CSMD1: variants seen among roughly 807,000 people sequenced by gnomAD.
The protein encoded by CSMD1 is CUB and Sushi multiple domains 1.
CSMD1 carries 213 observed loss-of-function variants against 417.5 expected under a neutral mutation model. The ratio of observed to expected loss-of-function variants is 0.51; its 90% CI spans 0.46 to 0.57. The LOEUF (loss-of-function observed/expected upper bound fraction) is 0.57. Among genes scored for constraint, CSMD1 ranks in the 20% least tolerant of loss-of-function variants. The probability of loss-of-function intolerance (pLI) is 0.00; values close to 1 mark genes in which losing one functional copy is unlikely to be tolerated. For missense variants in CSMD1, 6,923 were observed against 4,529.7 expected (o/e 1.53, Z -15.17); for synonymous variants, 2,862 against 1,736.8 (o/e 1.65, Z -16.11).
intron 1 of CSMD1, among the ~76,000 whole-genome samples, chr8:4,949,612 C>T (rs1219033047): frequency 2.0e-5 from 3 of 152,120 alleles, no homozygotes; most frequent in Admixed American, 6.6e-5. Flanking sequence ...GTCAATTGCC[C>T]TTCCACATCC....
intron 5 of CSMD1, among the ~76,000 whole-genome samples, chr8:3,886,333 G>T (rs1012294199): frequency 6.6e-6 from 1 of 152,230 alleles, no homozygotes; most frequent in African/African-American, 2.4e-5. Context: ...ACAGGCGTGG[G>T]CCACTGTGCC....
chr8:4,647,401 T>C (rs897558763), intron 1 of CSMD1, among the ~76,000 whole-genome samples: 5 of 151,124 alleles, frequency 3.3e-5, no homozygotes, highest in Non-Finnish European at 1.5e-5. Context: ...GGAGGTCTGT[T>C]AGGTAGGTAC....
At chr8:3,115,523 A>AT (rs1816815747) in intron 42 of CSMD1, among the ~76,000 whole-genome samples, 2 of 152,000 alleles carry the variant, frequency 1.3e-5, no homozygotes, top group Non-Finnish European at 2.9e-5. Context: ...CCTTTTTTTA[A>AT]TTTTTTAACT....
At chr8:4,394,240 C>G (rs906432596) in intron 3 of CSMD1, among the ~76,000 whole-genome samples, 1 of 152,072 alleles carries the variant, frequency 6.6e-6, no homozygotes, top group Non-Finnish European at 1.5e-5. Flanking sequence ...TTATTTTATT[C>G]TTTCATAAGA....
chr8:4,074,429 A>G (rs540131831), intron 3 of CSMD1, among the ~76,000 whole-genome samples: 2 of 152,194 alleles, frequency 1.3e-5, no homozygotes, highest in East Asian at 3.9e-4. Flanking sequence ...TTTTTTGTAC[A>G]TGATTATTTA....
intron 10 of CSMD1, among the ~76,000 whole-genome samples, chr8:3,562,857 A>G: frequency 6.6e-6 from 1 of 152,050 alleles, no homozygotes; most frequent in East Asian, 1.9e-4. Flanking sequence ...AATCTGTACA[A>G]CAAACCCCCA....
At position 3,413,289 on chromosome 8, in the gene CSMD1, C is replaced by G. The variant is rs563350652; in HGVS notation, c.1562-3684G>C. Among the ~76,000 whole-genome samples the G allele has an allele frequency of 2.0e-4, 30 of 152,194 alleles. No homozygotes were observed. The East Asian group carries it at 4.4e-3, about 23-fold the overall frequency. On this transcript the variant is annotated intron_variant, in intron 12 of 69. Transcript: ENST00000635120. ...GGATACTATTTTTAATATTAATTAA[C>G]TCAGGGAGCTCTACTGTGCAGAGGT...
intron 3 of CSMD1, among the ~76,000 whole-genome samples, chr8:4,160,333 T>C (rs1714771): frequency 0.68 from 102,642 of 151,984 alleles, 35,077 homozygotes; most frequent in Non-Finnish European, 0.72. Flanking sequence ...AAAATAATGA[T>C]TGAAAACCAT....
At chr8:4,771,709 T>A (rs117602695) in intron 1 of CSMD1, among the ~76,000 whole-genome samples, 1,572 of 152,330 alleles carry the variant, frequency 0.01, 11 homozygotes, top group East Asian at 0.051. Flanking sequence ...GTGTCCAGCA[T>A]GTCAGGCTAG....
chr8:4,464,214 G>A (rs775390643), intron 2 of CSMD1, among the ~76,000 whole-genome samples: 3 of 152,098 alleles, frequency 2.0e-5, no homozygotes, highest in Admixed American at 6.5e-5. Context: ...ACCCAGTTTG[G>A]ATTTCACTGC....
chr8:3,179,091 GCC>G (rs1491577442), intron 37 of CSMD1, among the ~76,000 whole-genome samples: 1 of 139,272 alleles, frequency 7.2e-6, no homozygotes, highest in East Asian at 2.2e-4. Flanking sequence ...GGGACTACAG[GCC>G]CGCCACCACG....
chr8:3,480,583 A>T, intron 11 of CSMD1, among the ~76,000 whole-genome samples: 1 of 152,160 alleles, frequency 6.6e-6, no homozygotes, highest in East Asian at 1.9e-4. Context: ...AGACCCAAAA[A>T]AATCTAAGTT....
intron 3 of CSMD1, among the ~76,000 whole-genome samples, chr8:4,402,415 G>A (rs1367484724): frequency 6.6e-6 from 1 of 151,958 alleles, no homozygotes; most frequent in Non-Finnish European, 1.5e-5. Context: ...TATTACTGCT[G>A]CGTTCCTGCA....
intron 26 of CSMD1, among the ~76,000 whole-genome samples, chr8:3,232,940 T>TA (rs35804251): frequency 8.7e-4 from 132 of 151,146 alleles, no homozygotes; most frequent in Middle Eastern, 6.8e-3. Flanking sequence ...TTCAGTTATT[T>TA]AAAAAAAAAA....
chr8:4,486,757 T>C (rs2130177600), intron 2 of CSMD1, among the ~76,000 whole-genome samples: 1 of 152,276 alleles, frequency 6.6e-6, no homozygotes, highest in East Asian at 1.9e-4. Context: ...CACTGCCTGA[T>C]ACGAAGAACC....
intron 5 of CSMD1, among the ~76,000 whole-genome samples, chr8:3,781,776 T>C (rs1164951080): frequency 6.6e-6 from 1 of 152,190 alleles, no homozygotes; most frequent in Non-Finnish European, 1.5e-5. Flanking sequence ...GGCTTAGAAA[T>C]GCTGAATAAA....
At chr8:4,473,285 T>C (rs894409472) in intron 2 of CSMD1, among the ~76,000 whole-genome samples, 22 of 152,182 alleles carry the variant, frequency 1.4e-4, no homozygotes, top group Admixed American at 2.6e-4. Flanking sequence ...GATTTAGAAA[T>C]ATGACAATCA....
intron 23 of CSMD1, among the ~76,000 whole-genome samples, chr8:3,313,569 C>G (rs1805521488): frequency 6.6e-6 from 1 of 152,198 alleles, no homozygotes; most frequent in Non-Finnish European, 1.5e-5. Context: ...AAGATACTAT[C>G]TCACACGAGT....
chr8:4,933,988 T>TA (rs1181072769), intron 1 of CSMD1, among the ~76,000 whole-genome samples: 2 of 151,684 alleles, frequency 1.3e-5, no homozygotes, highest in Non-Finnish European at 2.9e-5. Context: ...AACAGTTACT[T>TA]ACGTTTATGC....
Sources: allele counts gnomAD v4.1 joint callset (sites outside exome capture counted in the v4.1 genomes callset), GRCh38; gene constraint gnomAD v4.1.1; transcripts MANE v1.5; gene names NCBI Gene and HGNC (gene_info 2026-07-23, HGNC 2026-07-21).